KANSL1: variants seen among roughly 807,000 people sequenced by gnomAD.
KANSL1 encodes KAT8 regulatory NSL complex subunit 1.
Under a neutral mutation model 103.6 loss-of-function variants are expected in KANSL1, and 22 were observed. The observed-to-expected ratio is 0.21, with a 90% CI of 0.15 to 0.30. The LOEUF is 0.30. KANSL1 is among the 10% of genes least tolerant of loss of function. KANSL1 has a pLI of 1.00. For missense variants in KANSL1, 1,337 were observed against 1,399.8 expected (o/e 0.96, Z 0.72); for synonymous variants, 600 against 527.6 (o/e 1.14, Z -1.88).
chr17:46,031,326 A>T lies in KANSL1; in HGVS notation c.*150T>A. 1 of 751,220 alleles carries T rather than the reference A, an allele frequency of 1.3e-6. No homozygotes were observed. The highest frequency in any genetic ancestry group is 2.1e-6 in the Non-Finnish European group (1 of 477,744). 46.5% of individuals were successfully genotyped at this position (751,220 alleles called of 1,614,324 possible). Reference sequence around the variant, plus strand: ...AAAACAAAACAAAAATTAAAACAAGAAAAAAAAATACCAAAGTAGGATCTA... The same window carrying T: ...AAAACAAAACAAAAATTAAAACAAGTAAAAAAAATACCAAAGTAGGATCTA... On this transcript the variant is annotated 3_prime_UTR_variant, in exon 15 of 15. Transcript: ENST00000432791.
chr17:46,160,198 A>C (rs2045655976), intron 2 of KANSL1, among the ~76,000 whole-genome samples: 1 of 152,238 alleles, frequency 6.6e-6, no homozygotes. Context: ...GAAAGGTGTG[A>C]TCAATAAATA....
intron 2 of KANSL1, among the ~76,000 whole-genome samples, chr17:46,117,255 C>T (rs111880194): frequency 6.6e-6 from 1 of 152,150 alleles, no homozygotes; most frequent in African/African-American, 2.4e-5. Context: ...CCATGCTGAA[C>T]AGCCATGTGC....
intron 7 of KANSL1, chr17:46,043,362 A>C (rs905119303): frequency 1.3e-5 from 2 of 152,158 alleles, no homozygotes; most frequent in Non-Finnish European, 2.9e-5. Context: ...AACAGCAATG[A>C]CTAGAAACAA....
intron 1 of KANSL1, among the ~76,000 whole-genome samples, chr17:46,172,699 C>T (rs2046346498): frequency 6.6e-6 from 1 of 152,182 alleles, no homozygotes; most frequent in Admixed American, 6.5e-5. Context: ...TTTTTCTGGC[C>T]AGGGAATCCA....
intron 1 of KANSL1, among the ~76,000 whole-genome samples, chr17:46,202,139 C>T (rs1452990632): frequency 6.6e-6 from 1 of 151,474 alleles, no homozygotes; most frequent in Non-Finnish European, 1.5e-5. Context: ...GATCACATTA[C>T]TGCACTCCAG....
chr17:46,062,091 CAAA>C (rs35638067), intron 6 of KANSL1, among the ~76,000 whole-genome samples: 1 of 70,080 alleles, frequency 1.4e-5, no homozygotes, highest in Non-Finnish European at 2.4e-5. Flanking sequence ...GACTCCGACT[CAAA>C]AAAAAAAAAA....
intron 4 of KANSL1, among the ~76,000 whole-genome samples, chr17:46,075,326 AT>A (rs1294339266): frequency 1.3e-5 from 2 of 149,666 alleles, no homozygotes; most frequent in African/African-American, 4.8e-5. Context: ...CTGTACTACT[AT>A]TTCAACACAC....
At chr17:46,037,787 A>G (rs1193533270) in intron 10 of KANSL1, 2 of 152,258 alleles carry the variant, frequency 1.3e-5, no homozygotes, top group Non-Finnish European at 2.9e-5. Context: ...TATTATACAA[A>G]AAGGACCCTT....
At chr17:46,060,389 T>C (rs2078114822) in intron 6 of KANSL1, among the ~76,000 whole-genome samples, 1 of 152,198 alleles carries the variant, frequency 6.6e-6, no homozygotes, top group Non-Finnish European at 1.5e-5. Flanking sequence ...AAACAAAACG[T>C]GTAAGCTTCT....
chr17:46,201,262 A>G (rs747553331), intron 1 of KANSL1, among the ~76,000 whole-genome samples: 37 of 152,352 alleles, frequency 2.4e-4, no homozygotes, highest in South Asian at 8.3e-4. Flanking sequence ...ACTTGTTTCT[A>G]TGTACACTCA....
intron 2 of KANSL1, among the ~76,000 whole-genome samples, chr17:46,133,171 C>A (rs2043951811): frequency 6.6e-6 from 1 of 152,114 alleles, no homozygotes; most frequent in Admixed American, 6.6e-5. Flanking sequence ...TCAAAGGCGG[C>A]TCAATTTTTA....
At chr17:46,105,925 ACACACACACACACACACACACACCCC>A (rs2042529560) in intron 2 of KANSL1, among the ~76,000 whole-genome samples, 1 of 96,334 alleles carries the variant, frequency 1.0e-5, no homozygotes, top group Non-Finnish European at 2.2e-5. Context: ...ACACACACAC[ACACACACACACACACACACACACCCC>A]CCCAGAAGGG....
chr17:46,191,840 C>A (rs1440842165), intron 1 of KANSL1, among the ~76,000 whole-genome samples: 8 of 152,178 alleles, frequency 5.3e-5, no homozygotes, highest in African/African-American at 1.9e-4. Flanking sequence ...GGAGGCGAGG[C>A]TGGAGGAAGA....
At chr17:46,194,906 A>G (rs2047555079), upstream of KANSL1, among the ~76,000 whole-genome samples, 1 of 152,244 alleles carries the variant, frequency 6.6e-6, no homozygotes, top group Non-Finnish European at 1.5e-5. Flanking sequence ...GCGAATTTCC[A>G]TTTGTACTCC....
At chr17:46,177,862 C>T (rs2046599516) in intron 1 of KANSL1, among the ~76,000 whole-genome samples, 1 of 152,094 alleles carries the variant, frequency 6.6e-6, no homozygotes, top group Non-Finnish European at 1.5e-5. Context: ...ACTGCAAGCT[C>T]CACCTCCCGG....
At chr17:46,062,355 CTTT>C (rs34577730) in intron 6 of KANSL1, among the ~76,000 whole-genome samples, 1 of 95,470 alleles carries the variant, frequency 1.0e-5, no homozygotes, top group African/African-American at 4.1e-5. Flanking sequence ...ATAACAACAG[CTTT>C]TTTTTTTTTT....
intron 1 of KANSL1, among the ~76,000 whole-genome samples, chr17:46,182,861 C>T (rs931854148): frequency 2.7e-4 from 41 of 152,204 alleles, no homozygotes; most frequent in South Asian, 6.2e-4. Flanking sequence ...TAAACTGAAA[C>T]GGTCTTAACT....
chr17:46,153,661 C>T (rs2045253152), intron 2 of KANSL1, among the ~76,000 whole-genome samples: 2 of 152,124 alleles, frequency 1.3e-5, no homozygotes, highest in African/African-American at 2.4e-5. Flanking sequence ...ATCAAAAGAC[C>T]AGGTCATTTA....
intron 1 of KANSL1, among the ~76,000 whole-genome samples, chr17:46,215,517 A>G (rs1456666558): frequency 6.6e-6 from 1 of 152,248 alleles, no homozygotes; most frequent in African/African-American, 2.4e-5. Context: ...ACAGAAGGTC[A>G]CGCAGCCAAA....
Sources: allele counts gnomAD v4.1 joint callset (sites outside exome capture counted in the v4.1 genomes callset), GRCh38; gene constraint gnomAD v4.1.1; transcripts MANE v1.5; gene names NCBI Gene and HGNC (gene_info 2026-07-23, HGNC 2026-07-21).